The following PSMD3 variants were observed in gnomAD, a reference collection of about 807,000 sequenced individuals.
The protein encoded by PSMD3 is 26S proteasome non-ATPase regulatory subunit 3.
A neutral mutation model predicts 62.8 loss-of-function variants in PSMD3; 5 were observed. That is an observed-to-expected ratio of 0.08 (90% confidence interval 0.04 to 0.17). The LOEUF is 0.17. Ranked by LOEUF, PSMD3 falls within the 10% of genes least tolerant of loss-of-function variation. PSMD3 has a pLI of 1.00. For synonymous variants in PSMD3, 265 were observed against 283.9 expected (o/e 0.93, Z 0.67); for missense variants, 524 against 713.6 (o/e 0.73, Z 3.03).
chr17:39,982,137 G>A (rs949830644), intron 1 of PSMD3, among the ~76,000 whole-genome samples: 2 of 152,162 alleles, frequency 1.3e-5, no homozygotes, highest in Non-Finnish European at 2.9e-5. Flanking sequence ...TATCCTCCTA[G>A]GTGGTGCTTT....
At chr17:39,997,279 G>GCCTCACCTGCTTC in intron 10 of PSMD3, 51 bp from the exon 11 acceptor site, 1 of 1,581,672 alleles carries the variant, frequency 6.3e-7, no homozygotes, top group African/African-American at 1.3e-5. Context: ...TTGCGTGAGT[G>GCCTCACCTGCTTC]CCTCACCTGC....
At chr17:39,997,438 G>T (rs1176881886) in intron 11 of PSMD3, 58 bp downstream of exon 11, 4 of 1,573,606 alleles carry the variant, frequency 2.5e-6, no homozygotes, top group Non-Finnish European at 3.4e-6. Context: ...CAGAAGGGGA[G>T]TCGGGCGAGT....
At chr17:39,994,919 C>G in intron 6 of PSMD3, 35 bp from the exon 7 acceptor site, 1 of 1,587,004 alleles carries the variant, frequency 6.3e-7, no homozygotes, top group Non-Finnish European at 8.7e-7. Flanking sequence ...CCATGGGGCT[C>G]CCTGCCCACT....
intron 1 of PSMD3, among the ~76,000 whole-genome samples, chr17:39,982,748 A>AT (rs1980418817): frequency 6.6e-6 from 1 of 152,254 alleles, no homozygotes; most frequent in East Asian, 1.9e-4. Flanking sequence ...ATCGGTGAAT[A>AT]TACAGAAGTG....
chr17:39,986,826 C>A (rs377636587), intron 3 of PSMD3, 114 bp downstream of exon 3: 1 of 1,347,966 alleles, frequency 7.4e-7, no homozygotes, highest in Non-Finnish European at 1.0e-6. Context: ...AAGAACTGTC[C>A]CCCACACTCT....
Position 39,986,373 on chromosome 17 carries a change from G to A in PSMD3, c.412-202G>A, listed in dbSNP as rs115713423. Among the ~76,000 whole-genome samples the A allele has an allele frequency of 5.0e-3, 761 of 152,274 alleles. 7 individuals are homozygous for A. Among genetic ancestry groups the A allele is most frequent in the African/African-American group, 0.018 (741 of 41,544 alleles). ...AGCCTTCCAGGTAGCTGGCACTACC[G>A]GCGTGAGCCACCACACCCAGCTCCT... On this transcript the variant is annotated intron_variant, in intron 2 of 11. Transcript: ENST00000264639.
rs1365834063 is a variant in PSMD3, at chr17:39,997,950, C to A, written c.*369C>A. 2 of 294,006 alleles carry A rather than the reference C, an allele frequency of 6.8e-6. No individual in the cohort carries two copies. Among genetic ancestry groups the A allele is most frequent in the South Asian group, 3.8e-5 (1 of 26,066 alleles). The allele number at this position is 294,006 out of a possible 1,614,324, so 18.2% of individuals were successfully genotyped here. On this transcript the variant is annotated 3_prime_UTR_variant, in exon 12 of 12. Coordinates refer to ENST00000264639, the MANE Select transcript of PSMD3 (RefSeq NM_002809.4). Reference sequence around the variant, plus strand: ...TATGATTTTTAAACAATAAAAAGTTCTCCACAGTGCTTTGTGCATCAGTTA... The same window carrying A: ...TATGATTTTTAAACAATAAAAAGTTATCCACAGTGCTTTGTGCATCAGTTA...
intron 6 of PSMD3, 114 bp from the exon 7 acceptor site, chr17:39,994,840 A>T: frequency 2.3e-6 from 2 of 873,956 alleles, no homozygotes; most frequent in Non-Finnish European, 3.6e-6. Context: ...GGGCCTAAAC[A>T]GTGATCCCTT....
In PSMD3 at chr17:39,986,649, A is replaced by G. The variant is rs780191901; in HGVS notation, c.486A>G (p.Glu162=). ...CTGCGTCGACACCCCTCCTGCCTGA[A>G]GTGGAAGCCTATCTCCAACTCCTCG... ...GKAASTPLLP[E]VEAYLQLLVV... is the part of the protein sequence containing the mutation. Residue 162 remains glutamate, a synonymous_variant, in exon 3 of 12, where the codon GAA becomes GAG. Coordinates refer to ENST00000264639, the MANE Select transcript of PSMD3 (RefSeq NM_002809.4). 5 of 1,614,060 alleles carry G rather than the reference A, an allele frequency of 3.1e-6. No homozygotes were observed. The highest frequency in any genetic ancestry group is 4.2e-6 in the Non-Finnish European group (5 of 1,180,044).
At chr17:39,983,248 G>A (rs1980430640) in intron 1 of PSMD3, among the ~76,000 whole-genome samples, 1 of 152,056 alleles carries the variant, frequency 6.6e-6, no homozygotes, top group Admixed American at 6.6e-5. Context: ...GGCCAGGCTG[G>A]TCTCCAACTG....
rs1169924810 is a variant in PSMD3 at position 39,996,539 on chromosome 17, T to C, written c.1476+201T>C. ...TCCATAGCCAGTTGCCCTCTCCTAT[T>C]GCGTTTAAGGGATGATGTGGTCACC... On this transcript the variant is annotated intron_variant, in intron 10 of 11. Transcript: ENST00000264639. This position sits in a 1 kb window ranked among gnomAD's most constrained non-coding sequence, Gnocchi z 5.1. Among the ~76,000 whole-genome samples the C allele has an allele frequency of 2.6e-5, 4 of 152,118 alleles. No individual in the cohort carries two copies. Among genetic ancestry groups the C allele is most frequent in the South Asian group, 2.1e-4 (1 of 4,820 alleles).
chr17:39,997,669 C>CCA lies in PSMD3; in HGVS notation c.*95_*96dup. On this transcript the variant is annotated 3_prime_UTR_variant, in exon 12 of 12. Transcript: ENST00000264639. ...TGCCCAGGGCACTGTCCCCATTTTC[C>CCA]CACACACAGCTCATATGCTGCATTC... 1 of 1,436,076 alleles carries CCA rather than the reference C, an allele frequency of 7.0e-7. No homozygotes were observed. Among genetic ancestry groups the CCA allele is most frequent in the East Asian group, 2.4e-5 (1 of 42,184 alleles). 89.0% of individuals were successfully genotyped at this position (1,436,076 alleles called of 1,614,324 possible). A position where few individuals can be genotyped will look rare whatever the true frequency, so the allele number is the denominator to read the frequency against.
rs1257581159 is a variant in PSMD3 at position 39,984,441 on chromosome 17, C to T, written c.368C>T (p.Ser123Leu). ...AAGGCTGTGCAGGGCTTCTTCACTTCAAATAATGCCACTCGAGACTTTTTG... is the reference window on the plus strand; with the variant it reads ...AAGGCTGTGCAGGGCTTCTTCACTTTAAATAATGCCACTCGAGACTTTTTG... ...LYKAVQGFFTSNNATRDFLLP... is the reference protein window; with the variant it reads ...LYKAVQGFFTLNNATRDFLLP... Residue 123 changes from serine (S) to leucine (L), a missense_variant, in exon 2 of 12, where the codon TCA becomes TTA. Coordinates refer to ENST00000264639, the MANE Select transcript of PSMD3 (RefSeq NM_002809.4). The T allele has an allele frequency of 6.2e-7, 1 of 1,612,966 alleles. No homozygotes were observed. The highest frequency in any genetic ancestry group is 1.7e-5 in the Admixed American group (1 of 59,904).
At chr17:39,984,251 T>C in intron 1 of PSMD3, 43 bp from the exon 2 acceptor site, 1 of 1,356,546 alleles carries the variant, frequency 7.4e-7, no homozygotes, top group Non-Finnish European at 1.0e-6. Context: ...GGTGGGGGAC[T>C]AGGAGTGAAA....
intron 6 of PSMD3, among the ~76,000 whole-genome samples, chr17:39,990,406 T>C (rs1980628444): frequency 6.6e-6 from 1 of 152,002 alleles, no homozygotes; most frequent in Non-Finnish European, 1.5e-5. Context: ...TTCTCTTCTC[T>C]ATGCTAGGGG....
At chr17:39,993,785 G>A (rs1293991567) in intron 6 of PSMD3, 1 of 152,158 alleles carries the variant, frequency 6.6e-6, no homozygotes, top group Non-Finnish European at 1.5e-5. Context: ...CTGCTGTAGG[G>A]TATCATAACG....
chr17:39,985,530 G>A (rs952743469), intron 2 of PSMD3, among the ~76,000 whole-genome samples: 1 of 152,160 alleles, frequency 6.6e-6, no homozygotes, highest in Admixed American at 6.5e-5. Context: ...TCATGGCATG[G>A]GCCAGGTCTC....
chr17:39,993,732 A>G (rs1199156460), intron 6 of PSMD3: 5 of 152,278 alleles, frequency 3.3e-5, no homozygotes, highest in African/African-American at 1.2e-4. Flanking sequence ...GCAGAGCTCC[A>G]GCTCTGTCCT....
At position 39,981,967 on chromosome 17, in the gene PSMD3, C is replaced by T. The variant is rs867445299; in HGVS notation, c.220+777C>T. Among the ~76,000 whole-genome samples the T allele has an allele frequency of 3.3e-5, 5 of 152,300 alleles. No homozygotes were observed. In the South Asian group the frequency reaches 6.2e-4, roughly 19 times the overall value. On this transcript the variant is annotated intron_variant, in intron 1 of 11. Transcript: ENST00000264639. Reference sequence around the variant, plus strand: ...CATGTTTTACTTTTCCCACTTACAGCGTCCTGTTTCCATTTGAAGTGGGCA... The same window carrying T: ...CATGTTTTACTTTTCCCACTTACAGTGTCCTGTTTCCATTTGAAGTGGGCA...
Sources: gnomAD v4.1 joint callset for allele counts (sites outside exome capture counted in the v4.1 genomes callset) on GRCh38, gnomAD v4.1.1 for gene constraint, Gnocchi (gnomAD v3.1) non-coding constraint, MANE v1.5 for transcripts, NCBI Gene and HGNC (gene_info 2026-07-23, HGNC 2026-07-21) for gene names.